Variants in TSPAN18 observed in about 807,000 individuals in gnomAD.
The protein encoded by TSPAN18 is tetraspanin-18.
A neutral mutation model predicts 27.3 loss-of-function variants in TSPAN18; 14 were observed. The observed-to-expected ratio is 0.51, with a 90% CI of 0.34 to 0.80. TSPAN18 has a LOEUF of 0.80. TSPAN18 is among the 30% of genes least tolerant of loss of function. The pLI, the probability that TSPAN18 is intolerant of heterozygous loss-of-function variation, is 0.01. For synonymous variants in TSPAN18, 143 were observed against 136.5 expected (o/e 1.05, Z -0.33); for missense variants, 268 against 323.9 (o/e 0.83, Z 1.32).
chr11:44,788,913 A>C (rs952142167), intron 2 of TSPAN18, among the ~76,000 whole-genome samples: 1 of 152,190 alleles, frequency 6.6e-6, no homozygotes, highest in Non-Finnish European at 1.5e-5. Flanking sequence ...GGGCCAAGTG[A>C]CTGGAAGAAT....
At chr11:44,854,842 G>C (rs1477407937) in intron 2 of TSPAN18, among the ~76,000 whole-genome samples, 1 of 152,136 alleles carries the variant, frequency 6.6e-6, no homozygotes, top group African/African-American at 2.4e-5. Flanking sequence ...AGGCCTCCAA[G>C]GGCCTTTCCA....
intron 3 of TSPAN18, among the ~76,000 whole-genome samples, chr11:44,871,616 G>A (rs1473544177): frequency 1.3e-5 from 2 of 152,158 alleles, no homozygotes; most frequent in Non-Finnish European, 2.9e-5. Context: ...ATTCTGCCAC[G>A]ACCAGCAGAA....
At chr11:44,912,252 G>GCC (rs1859748339) in intron 5 of TSPAN18, among the ~76,000 whole-genome samples, 4 of 151,996 alleles carry the variant, frequency 2.6e-5, no homozygotes, top group Non-Finnish European at 5.9e-5. Context: ...GAACTCCTGG[G>GCC]CTCAAATGAT....
At chr11:44,765,150 C>A (rs1855537988) in intron 2 of TSPAN18, among the ~76,000 whole-genome samples, 2 of 152,166 alleles carry the variant, frequency 1.3e-5, no homozygotes, top group Admixed American at 1.3e-4. Flanking sequence ...GCAGCCTCAG[C>A]CACCAATGTG....
chr11:44,852,976 A>G (rs180899120), intron 2 of TSPAN18, among the ~76,000 whole-genome samples: 5 of 152,318 alleles, frequency 3.3e-5, no homozygotes, highest in Non-Finnish European at 5.9e-5. Context: ...CATGTGATCA[A>G]TTGCTCACTG....
chr11:44,911,355 G>C (rs1313877810), intron 5 of TSPAN18, among the ~76,000 whole-genome samples: 1 of 152,122 alleles, frequency 6.6e-6, no homozygotes, highest in African/African-American at 2.4e-5. Flanking sequence ...CACACTGCAC[G>C]GCCCCATTTG....
chr11:44,922,942 C>T (rs541117436), intron 8 of TSPAN18, among the ~76,000 whole-genome samples: 1 of 152,248 alleles, frequency 6.6e-6, no homozygotes, highest in Admixed American at 6.5e-5. Flanking sequence ...AACCCCGTCT[C>T]TACTAAAAAT....
chr11:44,727,072 GC>G lies in TSPAN18; in HGVS notation c.-451del, dbSNP rs770656137. 0.78 allele frequency: 95,822 copies of G among 122,320 alleles called. 34,734 individuals carry two copies. Among genetic ancestry groups the G allele is most frequent in the Non-Finnish European group, 0.86 (54,173 of 63,250 alleles). 7.6% of individuals were successfully genotyped at this position (122,320 alleles called of 1,614,324 possible). The stretch of plus-strand genomic sequence containing the variant: ...AGCCCCAGCCCCGGCCCCGGCCCCA[GC>G]CCCGGCCCCGGCCCCGGCCCCGGCC... On this transcript the variant is annotated 5_prime_UTR_variant, in exon 1 of 10. Coordinates refer to ENST00000520358, the MANE Select transcript of TSPAN18 (RefSeq NM_130783.5).
chr11:44,821,013 C>T (rs1856916790), intron 2 of TSPAN18, among the ~76,000 whole-genome samples: 1 of 152,168 alleles, frequency 6.6e-6, no homozygotes, highest in South Asian at 2.1e-4. Flanking sequence ...ATCAATTACC[C>T]AGTCTCAGGT....
chr11:44,872,077 C>T (rs1858211771), intron 3 of TSPAN18, among the ~76,000 whole-genome samples: 1 of 152,232 alleles, frequency 6.6e-6, no homozygotes, highest in South Asian at 2.1e-4. Flanking sequence ...GCACCCACCA[C>T]CACCACGCCT....
intron 2 of TSPAN18, among the ~76,000 whole-genome samples, chr11:44,805,706 G>A (rs894532074): frequency 6.6e-6 from 1 of 152,226 alleles, no homozygotes; most frequent in African/African-American, 2.4e-5. Context: ...GAGGCTAGAA[G>A]TTCAAAGTCA....
chr11:44,813,230 T>G (rs1856755977), intron 2 of TSPAN18, among the ~76,000 whole-genome samples: 3 of 152,148 alleles, frequency 2.0e-5, no homozygotes, highest in Admixed American at 2.0e-4. Context: ...GCATGCCCTG[T>G]GCGCAGGAAG....
chr11:44,880,287 G>C (rs1417574230), intron 3 of TSPAN18, among the ~76,000 whole-genome samples: 2 of 152,220 alleles, frequency 1.3e-5, no homozygotes, highest in Non-Finnish European at 2.9e-5. Flanking sequence ...GGCAGCCTTG[G>C]TGCCAGGTCC....
At chr11:44,782,232 G>A (rs1024193675) in intron 2 of TSPAN18, among the ~76,000 whole-genome samples, 5 of 152,060 alleles carry the variant, frequency 3.3e-5, no homozygotes, top group African/African-American at 9.7e-5. Context: ...TGCATCATAG[G>A]GTAGGTGTAT....
At chr11:44,915,463 C>T (rs1229655360) in intron 5 of TSPAN18, among the ~76,000 whole-genome samples, 3 of 152,152 alleles carry the variant, frequency 2.0e-5, no homozygotes, top group Non-Finnish European at 4.4e-5. Flanking sequence ...CCCCACCCCA[C>T]CCTCATCATA....
chr11:44,906,628 G>C, intron 4 of TSPAN18, 149 bp downstream of exon 4: 1 of 761,974 alleles, frequency 1.3e-6, no homozygotes, highest in Admixed American at 2.2e-5. Context: ...TTCATGGAAG[G>C]GGGCCCCCAG....
At chr11:44,835,838 A>T (rs1857253691) in intron 2 of TSPAN18, among the ~76,000 whole-genome samples, 1 of 152,168 alleles carries the variant, frequency 6.6e-6, no homozygotes, top group African/African-American at 2.4e-5. Flanking sequence ...ACTTTTCATT[A>T]TTAATATGTC....
chr11:44,877,696 T>C (rs1357318312), intron 3 of TSPAN18, among the ~76,000 whole-genome samples: 2 of 152,170 alleles, frequency 1.3e-5, no homozygotes, highest in Non-Finnish European at 2.9e-5. Flanking sequence ...GGATGGGTTG[T>C]TCCACTTCGC....
At chr11:44,928,396 G>A (rs746234911) in intron 9 of TSPAN18, among the ~76,000 whole-genome samples, 8 of 152,166 alleles carry the variant, frequency 5.3e-5, no homozygotes, top group Non-Finnish European at 1.2e-4. Flanking sequence ...TGTAAGCATG[G>A]GCTCTGGGGT....
Sources: allele counts gnomAD v4.1 joint callset (sites outside exome capture counted in the v4.1 genomes callset), GRCh38; gene constraint gnomAD v4.1.1; transcripts MANE v1.5; gene names NCBI Gene and HGNC (gene_info 2026-07-23, HGNC 2026-07-21).